Variants in ZNF713 observed in about 807,000 individuals in gnomAD.
The protein encoded by ZNF713 is zinc finger protein 713.
Under a neutral mutation model 28.7 loss-of-function variants are expected in ZNF713, and 21 were observed. The observed-to-expected ratio is 0.73, with a 90% CI of 0.52 to 1.05. ZNF713 has a LOEUF of 1.05. Among genes scored for constraint, ZNF713 ranks in the 50% least tolerant of loss-of-function variants. The pLI is 0.00. For missense variants in ZNF713, 458 were observed against 532.4 expected, an observed-to-expected ratio of 0.86 and a Z score of 1.37; for synonymous variants, 167 against 178.0, an observed-to-expected ratio of 0.94 and a Z score of 0.49.
chr7:55,933,109 C>T (rs1368785782), intron 6 of ZNF713, among the ~76,000 whole-genome samples: 2 of 150,654 alleles, frequency 1.3e-5, no homozygotes, highest in African/African-American at 2.4e-5. Context: ...TGGTGGCAGG[C>T]GCCTGTGATC....
At chr7:55,934,858 G>A (rs1363649749) in intron 6 of ZNF713, among the ~76,000 whole-genome samples, 1 of 150,202 alleles carries the variant, frequency 6.7e-6, no homozygotes, top group Non-Finnish European at 1.5e-5. Flanking sequence ...AATGTGTAGT[G>A]TGCAAACCCT....
At chr7:55,923,563 T>C in intron 5 of ZNF713, 44 bp from the exon 6 acceptor site, 1 of 1,503,594 alleles carries the variant, frequency 6.7e-7, no homozygotes, top group Non-Finnish European at 9.1e-7. Flanking sequence ...GAGAATTTTG[T>C]TCCCAGTACA....
Position 55,939,807 on chromosome 7 carries a change from C to A in ZNF713, c.1133C>A (p.Ala378Asp). Residue 378 changes from alanine (A) to aspartate (D), a missense_variant, in exon 7 of 7, where the codon GCC (alanine) becomes GAC (aspartate). Coordinates refer to ENST00000429591, the MANE Select transcript of ZNF713 (RefSeq NM_182633.3). ...TACGAATGTGGTTTCTGTGGCAAAG[C>A]CTTCAGTCAGAGGACACATCTGAAT... ...KPYECGFCGKAFSQRTHLNQH... is the reference protein window; with the variant it reads ...KPYECGFCGKDFSQRTHLNQH... 6.2e-7 allele frequency: 1 copy of A among 1,614,112 alleles called. No homozygotes were observed.
chr7:55,904,887 C>T (rs560851724), intron 1 of ZNF713, among the ~76,000 whole-genome samples: 4 of 152,196 alleles, frequency 2.6e-5, no homozygotes, highest in Non-Finnish European at 5.9e-5. Flanking sequence ...CCACCACACC[C>T]GGCTAATTTT....
chr7:55,889,315 T>C (rs1017491480), intron 1 of ZNF713, among the ~76,000 whole-genome samples: 1 of 152,106 alleles, frequency 6.6e-6, no homozygotes, highest in African/African-American at 2.4e-5. Context: ...TTGGTCAGGC[T>C]GATCTCAAAC....
chr7:55,902,356 A>G (rs1347613982), intron 1 of ZNF713, among the ~76,000 whole-genome samples: 1 of 152,268 alleles, frequency 6.6e-6, no homozygotes, highest in Non-Finnish European at 1.5e-5. Flanking sequence ...ATTGGTAAGT[A>G]TACAAGAGCA....
intron 1 of ZNF713, among the ~76,000 whole-genome samples, chr7:55,894,843 G>A (rs533477877): frequency 6.6e-6 from 1 of 151,616 alleles, no homozygotes; most frequent in Admixed American, 6.6e-5. Flanking sequence ...TTTCTGTCAT[G>A]AAGTGAGATC....
At chr7:55,909,776 A>G (rs1785749991) in intron 2 of ZNF713, among the ~76,000 whole-genome samples, 1 of 152,092 alleles carries the variant, frequency 6.6e-6, no homozygotes, top group South Asian at 2.1e-4. Context: ...ATGTATTCCT[A>G]GGTAATTTTG....
intron 1 of ZNF713, among the ~76,000 whole-genome samples, chr7:55,896,948 T>C (rs1226795953): frequency 6.6e-6 from 1 of 152,096 alleles, no homozygotes; most frequent in Non-Finnish European, 1.5e-5. Context: ...TGGCCAAAGC[T>C]GAAACAATTT....
chr7:55,896,129 G>A (rs1376565392), intron 1 of ZNF713, among the ~76,000 whole-genome samples: 1 of 152,126 alleles, frequency 6.6e-6, no homozygotes, highest in African/African-American at 2.4e-5. Context: ...CAGAAAGGAC[G>A]AGCAGTGAAA....
In ZNF713 at chr7:55,891,299, T is replaced by C. The variant is rs187740278; in HGVS notation, c.-583+3619T>C. Among the ~76,000 whole-genome samples, 7 of 152,332 alleles carry C rather than the reference T, an allele frequency of 4.6e-5. No homozygotes were observed. In the East Asian group the frequency reaches 9.6e-4, roughly 21 times the overall value. The stretch of plus-strand genomic sequence containing the variant: ...GAAGAATTGTGTCTCCATTTACGCC[T>C]GCAAAATGTAATTTTTATTTCACCC... On this transcript the variant is annotated intron_variant, in intron 1 of 6. Coordinates refer to ENST00000429591, the MANE Select transcript of ZNF713 (RefSeq NM_182633.3).
At position 55,939,516 on chromosome 7, in the gene ZNF713, CA is replaced by C; in HGVS notation, c.843del (p.Gly282GlufsTer52). The C allele has an allele frequency of 6.2e-7, 1 of 1,614,002 alleles. No individual in the cohort carries two copies. Among genetic ancestry groups the C allele is most frequent in the Non-Finnish European group, 8.5e-7 (1 of 1,179,966 alleles). On this transcript the variant is annotated frameshift_variant, in exon 7 of 7. Transcript: ENST00000429591. LOFTEE classifies it high-confidence loss of function. ...CTTAGCCAGCCTCAGATGTTGCTTA[CA>C]GGAGAGAAGCCCTATAAGTGTGATG... ...SSLSQPQMLL[T>X]GEKPYKCDEC...
rs1786026880 is a variant in ZNF713, at chr7:55,923,193, A to G, written c.119A>G (p.Asp40Gly). 6.2e-7 allele frequency: 1 copy of G among 1,613,372 alleles called. No homozygotes were observed. Among genetic ancestry groups the G allele is most frequent in the Non-Finnish European group, 8.5e-7 (1 of 1,179,738 alleles). Reference protein sequence around the residue: ...ESLTFQDVAVDFTREEWDQLY... With the variant: ...ESLTFQDVAVGFTREEWDQLY... Reference sequence around the variant, plus strand: ...CTGACGTTTCAGGATGTGGCCGTGGACTTCACCAGAGAGGAGTGGGACCAG... The same window carrying G: ...CTGACGTTTCAGGATGTGGCCGTGGGCTTCACCAGAGAGGAGTGGGACCAG... The change falls in exon 5 of 7, where the codon GAC becomes GGC. Residue 40 changes from aspartate (D) to glycine (G), a missense_variant. Asp to Gly is a moderately conservative substitution (Grantham distance 94). Coordinates refer to ENST00000429591, the MANE Select transcript of ZNF713 (RefSeq NM_182633.3).
At chr7:55,893,767 A>T (rs1309741404) in intron 1 of ZNF713, among the ~76,000 whole-genome samples, 1 of 151,874 alleles carries the variant, frequency 6.6e-6, no homozygotes, top group Non-Finnish European at 1.5e-5. Flanking sequence ...TTTAGTAGAG[A>T]CAGCATTTCA....
At chr7:55,928,568 T>A (rs978216494) in intron 6 of ZNF713, among the ~76,000 whole-genome samples, 1 of 152,098 alleles carries the variant, frequency 6.6e-6, no homozygotes, top group African/African-American at 2.4e-5. Context: ...AGAATATGAA[T>A]GTATTGCCAT....
At position 55,939,115 on chromosome 7, in the gene ZNF713, G is replaced by C. The variant is rs745806423; in HGVS notation, c.441G>C (p.Trp147Cys). 6.8e-5 allele frequency: 109 copies of C among 1,613,940 alleles called. No homozygotes were observed. Among genetic ancestry groups the C allele is most frequent in the Middle Eastern group, 1.6e-4 (1 of 6,084 alleles). The change falls in exon 7 of 7, where the codon TGG (tryptophan) becomes TGC (cysteine). Residue 147 changes from tryptophan (W) to cysteine (C), a missense_variant. Transcript: ENST00000429591. ...SFWYSILGGL[W>C]DFDYHPEFNQ... ...GGTACTCCATCCTAGGAGGACTCTG[G>C]GATTTTGATTACCATCCAGAGTTTA...
intron 1 of ZNF713, 148 bp downstream of exon 1, chr7:55,887,828 C>A (rs1433226832): frequency 3.0e-4 from 2 of 6,666 alleles, no homozygotes; most frequent in East Asian, 5.3e-3. Context: ...GGGCGGCGGG[C>A]GGCGGGCGGC....
chr7:55,939,534 A>T lies in ZNF713; in HGVS notation c.860A>T (p.Lys287Met). The T allele has an allele frequency of 1.2e-6, 2 of 1,613,986 alleles. No homozygotes were observed. The highest frequency in any genetic ancestry group is 1.7e-6 in the Non-Finnish European group (2 of 1,179,974). ...QMLLTGEKPY[K>M]CDECGKRFSQ... ...TTGCTTACAGGAGAGAAGCCCTATA[A>T]GTGTGATGAATGTGGAAAAAGATTC... Residue 287 changes from lysine (K) to methionine (M), a missense_variant, in exon 7 of 7, where the codon AAG becomes ATG. Coordinates refer to ENST00000429591, the MANE Select transcript of ZNF713 (RefSeq NM_182633.3).
chr7:55,902,993 CAAAAA>C (rs35706402), intron 1 of ZNF713, among the ~76,000 whole-genome samples: 15 of 80,786 alleles, frequency 1.9e-4, no homozygotes, highest in Non-Finnish European at 4.6e-5. Flanking sequence ...AACTCCGTCT[CAAAAA>C]AAAAAAAAAA....
Sources: allele counts gnomAD v4.1 joint callset (sites outside exome capture counted in the v4.1 genomes callset), GRCh38; gene constraint gnomAD v4.1.1; transcripts MANE v1.5; gene names NCBI Gene and HGNC (gene_info 2026-07-23, HGNC 2026-07-21).